Variants in TMC7 observed in about 807,000 individuals in gnomAD.
TMC7 encodes transmembrane channel-like protein 7.
In TMC7, 54 loss-of-function variants were observed where a neutral mutation model predicts 82.9. The observed-to-expected ratio is 0.65, with a 90% CI of 0.52 to 0.82. The LOEUF (loss-of-function observed/expected upper bound fraction) is 0.82, where lower values mean the gene tolerates loss of function less well. TMC7 is among the 40% of genes least tolerant of loss of function. The pLI is 0.00. For missense variants in TMC7, 820 were observed against 901.2 expected, an observed-to-expected ratio of 0.91 and a Z score of 1.15; for synonymous variants, 350 against 337.9, an observed-to-expected ratio of 1.04 and a Z score of -0.39.
chr16:18,990,536 G>A (rs552919099), intron 1 of TMC7, among the ~76,000 whole-genome samples: 15 of 152,138 alleles, frequency 9.9e-5, no homozygotes, highest in Admixed American at 3.3e-4. Context: ...TCACGTGTCC[G>A]TGTGAAGAGA....
At chr16:19,049,320 G>A (rs1961421928) in intron 12 of TMC7, among the ~76,000 whole-genome samples, 1 of 152,056 alleles carries the variant, frequency 6.6e-6, no homozygotes, top group African/African-American at 2.4e-5. Flanking sequence ...CACTGCGCCC[G>A]GCCAAAGTGT....
At chr16:19,029,160 C>T (rs958037592) in intron 5 of TMC7, among the ~76,000 whole-genome samples, 1 of 151,628 alleles carries the variant, frequency 6.6e-6, no homozygotes, top group South Asian at 2.1e-4. Flanking sequence ...CGCCCGCCAC[C>T]ACACCCGGCT....
chr16:18,988,456 AT>A (rs1392204309), intron 1 of TMC7, among the ~76,000 whole-genome samples: 1 of 151,526 alleles, frequency 6.6e-6, no homozygotes, highest in African/African-American at 2.4e-5. Context: ...CGTCTGGCTA[AT>A]TTTTTTGAGT....
At chr16:19,053,068 G>A (rs1443601217) in intron 13 of TMC7, among the ~76,000 whole-genome samples, 1 of 151,990 alleles carries the variant, frequency 6.6e-6, no homozygotes, top group Non-Finnish European at 1.5e-5. Flanking sequence ...GCTCTTTATT[G>A]TTATGATAAT....
chr16:19,022,856 C>T (rs900135372), intron 4 of TMC7, among the ~76,000 whole-genome samples: 1 of 152,142 alleles, frequency 6.6e-6, no homozygotes, highest in African/African-American at 2.4e-5. Flanking sequence ...CCCATCTCTA[C>T]TAAAAATACA....
At chr16:19,009,786 A>G (rs2039304631) in intron 2 of TMC7, among the ~76,000 whole-genome samples, 1 of 151,550 alleles carries the variant, frequency 6.6e-6, no homozygotes, top group Admixed American at 6.6e-5. Flanking sequence ...CTAGAAATAC[A>G]AAAAATTAGC....
chr16:19,047,378 T>G, intron 12 of TMC7, 129 bp downstream of exon 12: 1 of 809,480 alleles, frequency 1.2e-6, no homozygotes, highest in Non-Finnish European at 1.9e-6. Flanking sequence ...TTAAAATATA[T>G]GTTTATTCTA....
In TMC7 at chr16:18,983,993, C is replaced by T; in HGVS notation, c.-71C>T. On this transcript the variant is annotated 5_prime_UTR_variant, in exon 1 of 16. Transcript: ENST00000304381. ...GAATCCCGGCTCCGCGAGGGAAGGC[C>T]GGGGAGGCGGCGGCGGCGGCGGCGG... The T allele has an allele frequency of 7.4e-7, 1 of 1,343,952 alleles. No homozygotes were observed. Among genetic ancestry groups the T allele is most frequent in the Non-Finnish European group, 9.5e-7 (1 of 1,051,994 alleles). 83.3% of individuals were successfully genotyped at this position (1,343,952 alleles called of 1,614,324 possible).
At chr16:19,010,534 T>C (rs563350144) in intron 2 of TMC7, among the ~76,000 whole-genome samples, 3 of 152,302 alleles carry the variant, frequency 2.0e-5, no homozygotes, top group Admixed American at 2.0e-4. Flanking sequence ...CCAGGCTCTT[T>C]CCATCTTGTG....
intron 14 of TMC7, 129 bp from the exon 15 acceptor site, chr16:19,059,287 G>T (rs1961900636): frequency 6.8e-6 from 10 of 1,466,810 alleles, no homozygotes; most frequent in Non-Finnish European, 8.2e-6. Context: ...ATTATAAAAT[G>T]AGCCATCATG....
intron 6 of TMC7, among the ~76,000 whole-genome samples, chr16:19,032,446 G>C (rs1365257816): frequency 6.6e-6 from 1 of 151,812 alleles, no homozygotes; most frequent in Admixed American, 6.6e-5. Flanking sequence ...GGGGTTCCGT[G>C]ATTGTGCCAG....
intron 12 of TMC7, among the ~76,000 whole-genome samples, chr16:19,049,317 C>T (rs1354364998): frequency 6.6e-6 from 1 of 152,184 alleles, no homozygotes; most frequent in Non-Finnish European, 1.5e-5. Context: ...AGCCACTGCG[C>T]CCGGCCAAAG....
intron 1 of TMC7, among the ~76,000 whole-genome samples, chr16:18,987,182 A>C (rs1406393370): frequency 5.3e-5 from 8 of 152,130 alleles, no homozygotes; most frequent in Non-Finnish European, 1.2e-4. Context: ...GGGGCGGTCT[A>C]TCTGAGGCAA....
chr16:19,022,123 C>G (rs1960008366), intron 4 of TMC7, among the ~76,000 whole-genome samples: 1 of 152,100 alleles, frequency 6.6e-6, no homozygotes, highest in Admixed American at 6.6e-5. Flanking sequence ...GATAGTCACA[C>G]ATACAAGCAA....
chr16:19,019,146 G>A (rs553864622), intron 3 of TMC7, among the ~76,000 whole-genome samples: 8 of 152,152 alleles, frequency 5.3e-5, no homozygotes, highest in Non-Finnish European at 7.3e-5. Flanking sequence ...CACCACGCCC[G>A]GCCAGGATTA....
At chr16:19,029,620 C>T (rs1050062234) in intron 5 of TMC7, among the ~76,000 whole-genome samples, 1 of 151,706 alleles carries the variant, frequency 6.6e-6, no homozygotes, top group African/African-American at 2.4e-5. Context: ...AGTAATCCTC[C>T]TGCCTCGGCC....
At chr16:19,060,058 A>G in intron 15 of TMC7, 1 of 177,792 alleles carries the variant, frequency 5.6e-6, no homozygotes, top group Non-Finnish European at 1.2e-5. Flanking sequence ...GCTTTGGTGA[A>G]CAAGAGACAA....
chr16:19,008,057 C>T (rs112312788), intron 1 of TMC7, among the ~76,000 whole-genome samples: 23 of 152,230 alleles, frequency 1.5e-4, no homozygotes, highest in Admixed American at 5.9e-4. Flanking sequence ...CAAACTCAAG[C>T]ATTTGGCATT....
At chr16:19,047,840 A>C (rs1032700193) in intron 12 of TMC7, among the ~76,000 whole-genome samples, 15 of 149,998 alleles carry the variant, frequency 1.0e-4, no homozygotes, top group Non-Finnish European at 1.8e-4. Context: ...CAGCATCCTG[A>C]GTAGCTGGGA....
Sources: gnomAD v4.1 joint callset for allele counts (sites outside exome capture counted in the v4.1 genomes callset) on GRCh38, gnomAD v4.1.1 for gene constraint, MANE v1.5 for transcripts, NCBI Gene and HGNC (gene_info 2026-07-23, HGNC 2026-07-21) for gene names.